Variants in MROH2A observed in about 807,000 individuals in gnomAD.
The protein encoded by MROH2A is maestro heat like repeat family member 2A.
In MROH2A, 174 loss-of-function variants were observed where a neutral mutation model predicts 200.4. The ratio of observed to expected loss-of-function variants is 0.87; its 90% confidence interval spans 0.77 to 0.98. The LOEUF is 0.98. Among genes scored for constraint, MROH2A ranks in the 50% least tolerant of loss-of-function variants. MROH2A has a pLI of 0.00. For synonymous variants in MROH2A, 829 were observed against 840.4 expected (o/e 0.99, Z 0.23); for missense variants, 2,045 against 2,139.6 (o/e 0.96, Z 0.87).
At chr2:233,795,079 C>G (rs1702018647) in intron 8 of MROH2A, among the ~76,000 whole-genome samples, 1 of 152,182 alleles carries the variant, frequency 6.6e-6, no homozygotes, top group Admixed American at 6.5e-5. Flanking sequence ...ACTTCGAAAT[C>G]CTGAACTAAT....
intron 12 of MROH2A, 35 bp downstream of exon 12, chr2:233,798,885 C>A: frequency 1.3e-6 from 2 of 1,510,538 alleles, no homozygotes; most frequent in South Asian, 1.2e-5. Flanking sequence ...GGGGGGCACT[C>A]AGGGGACCCT....
intron 3 of MROH2A, among the ~76,000 whole-genome samples, chr2:233,787,243 G>A (rs1042928083): frequency 1.3e-5 from 2 of 151,730 alleles, no homozygotes; most frequent in African/African-American, 4.9e-5. Flanking sequence ...TTTGTACAGG[G>A]TGCAGTAAGA....
chr2:233,818,219 A>G, intron 28 of MROH2A, 94 bp downstream of exon 28: 1 of 1,454,698 alleles, frequency 6.9e-7, no homozygotes, highest in South Asian at 1.3e-5. Context: ...GGAGGGAAGG[A>G]TGGCCTCTGT....
At chr2:233,824,566 C>T (rs148755997) in intron 35 of MROH2A, among the ~76,000 whole-genome samples, 88 of 152,336 alleles carry the variant, frequency 5.8e-4, no homozygotes, top group African/African-American at 2.0e-3. Flanking sequence ...CAGGGCCAGG[C>T]GCAGGTGCTG....
At chr2:233,818,189 T>G (rs1703678570) in intron 28 of MROH2A, 64 bp downstream of exon 28, 1 of 1,532,116 alleles carries the variant, frequency 6.5e-7, no homozygotes, top group Non-Finnish European at 8.8e-7. Context: ...ACTCCAGGAG[T>G]ATGGGCTGCG....
At chr2:233,825,985 C>T (rs1704280406) in intron 35 of MROH2A, among the ~76,000 whole-genome samples, 1 of 127,464 alleles carries the variant, frequency 7.8e-6, no homozygotes, top group African/African-American at 3.1e-5. Context: ...AGTGCAATGG[C>T]GTGATCTCAG....
chr2:233,779,022 G>A (rs939011654), intron 1 of MROH2A, among the ~76,000 whole-genome samples: 2 of 152,120 alleles, frequency 1.3e-5, no homozygotes, highest in South Asian at 2.1e-4. Context: ...TCCTTGCTAC[G>A]TGGCCCTCAC....
intron 15 of MROH2A, 179 bp downstream of exon 15, chr2:233,802,494 A>T: frequency 1.5e-6 from 1 of 682,790 alleles, no homozygotes; most frequent in Non-Finnish European, 2.4e-6. Flanking sequence ...GATCATATCT[A>T]GGTCATGTTA....
Position 233,822,374 on chromosome 2 carries a change from C to T in MROH2A, c.3684C>T (p.Thr1228=). 1 of 1,550,998 alleles carries T rather than the reference C, an allele frequency of 6.4e-7. No individual in the cohort carries two copies. The highest frequency in any genetic ancestry group is 8.7e-7 in the Non-Finnish European group (1 of 1,147,054). Reference sequence around the variant, plus strand: ...CCTTCTCTCTGCAGACCCTGTGCACCATCCACCTTCTCATTCAGAAGCTGG... The same window carrying T: ...CCTTCTCTCTGCAGACCCTGTGCACTATCCACCTTCTCATTCAGAAGCTGG... ...AAVDPLMTLC[T]IHLLIQKLDE... Residue 1228 remains threonine (T), a synonymous_variant, in exon 33 of 42, where the codon ACC becomes ACT. Coordinates refer to ENST00000389758, the MANE Select transcript of MROH2A (RefSeq NM_001394639.1).
At chr2:233,819,147 G>A (rs376114444) in intron 29 of MROH2A, among the ~76,000 whole-genome samples, 170 bp from the exon 30 acceptor site, 1 of 152,220 alleles carries the variant, frequency 6.6e-6, no homozygotes, top group African/African-American at 2.4e-5. Context: ...AGGGGCTGGG[G>A]ACTTCAGGAG....
intron 27 of MROH2A, among the ~76,000 whole-genome samples, 177 bp downstream of exon 27, chr2:233,817,062 G>A: frequency 6.6e-6 from 1 of 152,174 alleles, no homozygotes; most frequent in East Asian, 1.9e-4. Flanking sequence ...GAGAGGGTGG[G>A]ATTGTGGTTG....
chr2:233,833,010 C>A, intron 41 of MROH2A, 128 bp from the exon 42 acceptor site: 2 of 1,158,510 alleles, frequency 1.7e-6, no homozygotes, highest in South Asian at 3.3e-5. Flanking sequence ...TGCTTTCCCA[C>A]ACAGGAGTTT....
In MROH2A at chr2:233,828,929, G is replaced by A. The variant is rs1272928169; in HGVS notation, c.4303G>A (p.Gly1435Ser). Residue 1435 changes from glycine to serine, a missense_variant, in exon 37 of 42, where the codon GGC becomes AGC. Gly to Ser is a moderately conservative substitution (Grantham distance 56). This residue lies in a region of MROH2A where 1,201 missense variants were observed against 1,311.3 expected (regional missense o/e 0.92). Transcript: ENST00000389758. The surrounding 1 kb of genome is among the most constrained non-coding windows in gnomAD (Gnocchi z 4.6). ...YRKVLLEKCL[G>S]PLREPVSNSV... ...GAAGGTCTTGCTGGAGAAGTGCCTG[G>A]GCCCCCTGAGGGAGCCCGTGAGCAA... 3.9e-6 allele frequency: 6 copies of A among 1,550,368 alleles called. No homozygotes were observed. In the East Asian group the frequency reaches 1.5e-4, roughly 38 times the overall value.
intron 24 of MROH2A, among the ~76,000 whole-genome samples, chr2:233,813,430 A>C (rs1483705650): frequency 6.6e-6 from 1 of 152,238 alleles, no homozygotes; most frequent in East Asian, 1.9e-4. Context: ...AGACAACAGC[A>C]GATAGGAGAG....
chr2:233,801,563 CAG>C, intron 14 of MROH2A, among the ~76,000 whole-genome samples: 1 of 152,306 alleles, frequency 6.6e-6, no homozygotes, highest in Admixed American at 6.5e-5. Flanking sequence ...TGGAGACTAG[CAG>C]GGGCGGATGC....
chr2:233,798,882 A>C, intron 12 of MROH2A, 32 bp downstream of exon 12: 1 of 1,519,972 alleles, frequency 6.6e-7, no homozygotes, highest in Non-Finnish European at 8.9e-7. Flanking sequence ...AATGGGGGGC[A>C]CTCAGGGGAC....
chr2:233,791,810 G>A (rs1336277171), intron 5 of MROH2A, among the ~76,000 whole-genome samples: 1 of 152,086 alleles, frequency 6.6e-6, no homozygotes, highest in Non-Finnish European at 1.5e-5. Flanking sequence ...AGGTGGAAGA[G>A]CTTCACGGCT....
Position 233,805,017 on chromosome 2 carries a change from C to G in MROH2A, c.1958C>G (p.Ser653Cys). 6.5e-7 allele frequency: 1 copy of G among 1,549,754 alleles called. No individual in the cohort carries two copies. Among genetic ancestry groups the G allele is most frequent in the Non-Finnish European group, 8.7e-7 (1 of 1,146,512 alleles). ...EDKLIQFLRN[S>C]LKKTRGSSWS... is the part of the protein sequence containing the mutation. ...GTGCCTCCCCAGTTTCTGCGAAACT[C>G]CCTCAAGAAGACCCGGGGGTCTAGC... The change falls in exon 19 of 42, where the codon TCC becomes TGC. Residue 653 changes from serine (S) to cysteine (C), a missense_variant. Physicochemically the swap from Ser to Cys is moderately radical, Grantham distance 112. Around this residue, in one of 3 missense-constraint regions of MROH2A, gnomAD observed 1,201 missense variants for 1,311.3 expected, o/e 0.92. Coordinates refer to ENST00000389758, the MANE Select transcript of MROH2A (RefSeq NM_001394639.1).
intron 15 of MROH2A, 107 bp from the exon 16 acceptor site, chr2:233,803,341 C>T: frequency 1.7e-6 from 2 of 1,203,176 alleles, no homozygotes; most frequent in Non-Finnish European, 2.4e-6. Flanking sequence ...GGAACAAGAT[C>T]ATGTTGGGGA....
Sources: gnomAD v4.1 joint callset for allele counts (sites outside exome capture counted in the v4.1 genomes callset) on GRCh38, gnomAD v4.1.1 for gene constraint, gnomAD v4.1.1 regional missense constraint, Gnocchi (gnomAD v3.1) non-coding constraint, MANE v1.5 for transcripts, NCBI Gene and HGNC (gene_info 2026-07-23, HGNC 2026-07-21) for gene names.